SRD5A2: variants seen among roughly 807,000 people sequenced by gnomAD.
The protein encoded by SRD5A2 is steroid 5 alpha-reductase 2.
SRD5A2 carries 30 observed loss-of-function variants against 27.4 expected under a neutral mutation model. That is an observed-to-expected ratio of 1.10 (90% CI 0.82 to 1.49). The LOEUF (loss-of-function observed/expected upper bound fraction) is 1.49. Among genes scored for constraint, SRD5A2 ranks in the 40% most tolerant of loss-of-function variants. The probability of loss-of-function intolerance (pLI) is 0.00; values close to 1 mark genes in which losing one functional copy is unlikely to be tolerated. For missense variants in SRD5A2, 348 were observed against 323.4 expected, an observed-to-expected ratio of 1.08 and a Z score of -0.58; for synonymous variants, 141 against 133.6, an observed-to-expected ratio of 1.06 and a Z score of -0.38.
the SRD5A2 span, among the ~76,000 whole-genome samples, chr2:31,640,394 A>T: frequency 8.6e-3 from 1,301 of 151,530 alleles, 20 homozygotes; most frequent in African/African-American, 0.03. Flanking sequence ...CTTGTTTGTT[A>T]TTGTTTCTTG....
At chr2:31,643,509 G>T in the SRD5A2 span, among the ~76,000 whole-genome samples, 2 of 151,852 alleles carry the variant, frequency 1.3e-5, no homozygotes, top group African/African-American at 2.4e-5. Flanking sequence ...TCTCCTGAGG[G>T]GGCATAGGAC....
chr2:31,533,865 C>T, intron 1 of SRD5A2, 99 bp from the exon 2 acceptor site: 1 of 1,335,760 alleles, frequency 7.5e-7, no homozygotes, highest in African/African-American at 1.5e-5. Context: ...GGTACAAAAA[C>T]CAGGCTCTGC....
At chr2:31,586,895 G>A in the SRD5A2 span, among the ~76,000 whole-genome samples, 1 of 152,146 alleles carries the variant, frequency 6.6e-6, no homozygotes, top group Non-Finnish European at 1.5e-5. Context: ...AGGCACCATG[G>A]ACCAATCCTG....
At chr2:31,652,584 G>A in the SRD5A2 span, among the ~76,000 whole-genome samples, 1 of 152,118 alleles carries the variant, frequency 6.6e-6, no homozygotes, top group Non-Finnish European at 1.5e-5. Flanking sequence ...CGAGGCCTTA[G>A]AAATGAAAAC....
At chr2:31,580,972 GCGCCAGA>G (rs1362980557), upstream of SRD5A2, 2 of 1,475,250 alleles carry the variant, frequency 1.4e-6, no homozygotes, top group Non-Finnish European at 1.8e-6. Context: ...CCTTTATGGA[GCGCCAGA>G]CGCCACCCGT....
At chr2:31,545,528 T>G (rs1666230186) in intron 1 of SRD5A2, among the ~76,000 whole-genome samples, 2 of 152,132 alleles carry the variant, frequency 1.3e-5, no homozygotes, top group Non-Finnish European at 2.9e-5. Flanking sequence ...ATTCACTCTT[T>G]CATGATAAAA....
At chr2:31,612,547 G>A in the SRD5A2 span, among the ~76,000 whole-genome samples, 1 of 152,168 alleles carries the variant, frequency 6.6e-6, no homozygotes, top group African/African-American at 2.4e-5. Flanking sequence ...TATAGTTCAT[G>A]TTCATGGATT....
At chr2:31,533,074 C>G (rs1558357563) in intron 2 of SRD5A2, among the ~76,000 whole-genome samples, 1 of 152,164 alleles carries the variant, frequency 6.6e-6, no homozygotes. Context: ...AACAATGTTT[C>G]TTTCAGCTTA....
intron 3 of SRD5A2, among the ~76,000 whole-genome samples, 164 bp from the exon 4 acceptor site, chr2:31,529,621 G>A (rs1665861069): frequency 6.6e-6 from 1 of 152,176 alleles, no homozygotes; most frequent in African/African-American, 2.4e-5. Context: ...GGGGAGAAGG[G>A]GAAACAAAGC....
chr2:31,538,488 C>T (rs12470143), intron 1 of SRD5A2, among the ~76,000 whole-genome samples: 63,328 of 151,954 alleles, frequency 0.42, 13,663 homozygotes, highest in Non-Finnish European at 0.47. Context: ...ATTTGACCAC[C>T]ACATTTACTC....
chr2:31,610,620 C>T, the SRD5A2 span, among the ~76,000 whole-genome samples: 1 of 152,142 alleles, frequency 6.6e-6, no homozygotes, highest in Non-Finnish European at 1.5e-5. Context: ...TAACATAGTA[C>T]TGGAAGTCCT....
rs1491224935 is a variant in SRD5A2, at chr2:31,526,104, C to CATATATATATATATATATAT, written c.*91_*92insATATATATATATATATATAT. On this transcript the variant is annotated 3_prime_UTR_variant, in exon 5 of 5. Coordinates refer to ENST00000622030, the MANE Select transcript of SRD5A2 (RefSeq NM_000348.4). The stretch of plus-strand genomic sequence containing the variant: ...CAGGAGACCTACTATTACATATATA[C>CATATATATATATATATATAT]GGGACTATTATATCATGAAAATTAC... The CATATATATATATATATATAT allele has an allele frequency of 6.8e-4, 545 of 796,652 alleles. No individual in the cohort carries two copies. Among genetic ancestry groups the CATATATATATATATATATAT allele is most frequent in the East Asian group, 2.9e-3 (105 of 35,772 alleles). The allele number at this position is 796,652 out of a possible 1,614,324, so 49.3% of individuals were successfully genotyped here.
chr2:31,566,058 T>A (rs148245994), intron 1 of SRD5A2, among the ~76,000 whole-genome samples: 2 of 152,172 alleles, frequency 1.3e-5, no homozygotes, highest in African/African-American at 4.8e-5. Context: ...ATACAGAACA[T>A]GTCTGGAAAA....
At position 31,580,773 on chromosome 2, in the gene SRD5A2, G is replaced by A. The variant is rs1667065160; in HGVS notation, c.128C>T (p.Ala43Val). The change falls in exon 1 of 5, where the codon GCG becomes GTG. Residue 43 changes from alanine to valine, a missense_variant. Coordinates refer to ENST00000622030, the MANE Select transcript of SRD5A2 (RefSeq NM_000348.4). Reference sequence around the variant, plus strand: ...GGCGCGGGCTGGCAGGCGGGTAGCCGCCGGCTTCAGGCTCTCCGTGTGCTT... The same window carrying A: ...GGCGCGGGCTGGCAGGCGGGTAGCCACCGGCTTCAGGCTCTCCGTGTGCTT... Reference protein sequence around the residue: ...YGKHTESLKPAATRLPARAAW... With the variant: ...YGKHTESLKPVATRLPARAAW... 6.2e-7 allele frequency: 1 copy of A among 1,611,212 alleles called. No individual in the cohort carries two copies. The highest frequency in any genetic ancestry group is 2.2e-5 in the East Asian group (1 of 44,850).
the SRD5A2 span, among the ~76,000 whole-genome samples, chr2:31,614,625 C>T: frequency 1.3e-4 from 20 of 152,228 alleles, no homozygotes; most frequent in Non-Finnish European, 2.6e-4. Flanking sequence ...GGGGCTTCAA[C>T]CCCATGTTTC....
At chr2:31,589,956 G>A in the SRD5A2 span, among the ~76,000 whole-genome samples, 1 of 152,090 alleles carries the variant, frequency 6.6e-6, no homozygotes, top group African/African-American at 2.4e-5. Context: ...GGCCTTGCTG[G>A]CTGCATGAGA....
chr2:31,532,923 C>G lies in SRD5A2; in HGVS notation c.445+680G>C, dbSNP rs1665946185. 2.0e-5 allele frequency among the ~76,000 whole-genome samples: 3 copies of G among 152,156 alleles called. No individual in the cohort carries two copies. The South Asian group carries it at 6.2e-4, about 32-fold the overall frequency. ...TAGGGAACTAAATAAAGTGAGGAAC[C>G]AACCCCCATGAATACATGGGGGCAA... On this transcript the variant is annotated intron_variant, in intron 2 of 4. Coordinates refer to ENST00000622030, the MANE Select transcript of SRD5A2 (RefSeq NM_000348.4).
the SRD5A2 span, among the ~76,000 whole-genome samples, chr2:31,603,565 A>G: frequency 6.6e-6 from 1 of 152,062 alleles, no homozygotes; most frequent in Non-Finnish European, 1.5e-5. Flanking sequence ...AAGAATATAA[A>G]TCATTCTTTT....
chr2:31,584,126 T>C (rs1667138151), upstream of SRD5A2, among the ~76,000 whole-genome samples: 1 of 152,142 alleles, frequency 6.6e-6, no homozygotes, highest in African/African-American at 2.4e-5. Flanking sequence ...TTGGGGAACG[T>C]ATGAGCCCTG....
Sources: allele counts gnomAD v4.1 joint callset (sites outside exome capture counted in the v4.1 genomes callset), GRCh38; gene constraint gnomAD v4.1.1; transcripts MANE v1.5; gene names NCBI Gene and HGNC (gene_info 2026-07-23, HGNC 2026-07-21).